Variants in DENND10 observed in about 807,000 individuals in gnomAD.
DENND10 encodes DENN domain-containing protein 10.
DENND10 carries 24 observed loss-of-function variants against 43.6 expected under a neutral mutation model. That is an observed-to-expected ratio of 0.55 (90% CI 0.40 to 0.77). The LOEUF (loss-of-function observed/expected upper bound fraction) is 0.77. Ranked by LOEUF, DENND10 falls within the 30% of genes least tolerant of loss-of-function variation. DENND10 has a pLI of 0.00. For missense variants in DENND10, 303 were observed against 429.9 expected, an observed-to-expected ratio of 0.70 and a Z score of 2.61; for synonymous variants, 125 against 157.6, an observed-to-expected ratio of 0.79 and a Z score of 1.55.
At chr10:119,135,173 AAAAAAAAAAAAAAAG>A in intron 8 of DENND10, 2 of 149,686 alleles carry the variant, frequency 1.3e-5, no homozygotes, top group African/African-American at 5.0e-5. Context: ...CAAAAAAAAA[AAAAAAAAAAAAAAAG>A]AAAAAGAAAA....
Position 119,116,665 on chromosome 10 carries a change from C to CT in DENND10, c.333-833dup, listed in dbSNP as rs71016543. 5.5e-3 allele frequency among the ~76,000 whole-genome samples: 727 copies of CT among 132,156 alleles called. 1 individual carries two copies. The highest frequency in any genetic ancestry group is 0.016 in the Middle Eastern group (4 of 252). 86.7% of individuals were successfully genotyped at this position (132,156 alleles called of 152,430 possible). A position where few individuals can be genotyped will look rare whatever the true frequency, so the allele number is the denominator to read the frequency against. ...AGCTTTTTCTTTTCTTTCTTTCTTT[C>CT]TTTTTTTTTTTTTTTTTTTTTGAGA... is the stretch of plus-strand genomic sequence containing the variant. On this transcript the variant is annotated intron_variant, in intron 3 of 8. Coordinates refer to ENST00000361432, the MANE Select transcript of DENND10 (RefSeq NM_207009.4).
intron 5 of DENND10, among the ~76,000 whole-genome samples, chr10:119,123,028 G>A (rs1845646700): frequency 6.6e-6 from 1 of 152,178 alleles, no homozygotes; most frequent in Admixed American, 6.5e-5. Flanking sequence ...AGCACTTTGG[G>A]AGGCCAAGGC....
rs562161041 is a variant in DENND10 at position 119,120,793 on chromosome 10, G to A, written c.593+341G>A. ...ACATAAATGACTCAGCATGGCTGTG[G>A]TCAATGAAATTTTATTTTCAAGGAC... On this transcript the variant is annotated intron_variant, in intron 5 of 8. Transcript: ENST00000361432. Among the ~76,000 whole-genome samples the A allele has an allele frequency of 4.6e-5, 7 of 152,266 alleles. No individual in the cohort carries two copies. The South Asian group carries it at 6.2e-4, about 14-fold the overall frequency.
chr10:119,114,898 T>C (rs1369560051), intron 3 of DENND10, among the ~76,000 whole-genome samples: 2 of 151,872 alleles, frequency 1.3e-5, no homozygotes, highest in Non-Finnish European at 2.9e-5. Context: ...GCCTCCCAAG[T>C]AGTGGGAATT....
intron 6 of DENND10, among the ~76,000 whole-genome samples, chr10:119,125,501 CTTTTTTTT>C (rs34630434): frequency 0.087 from 5,801 of 66,546 alleles, 350 homozygotes; most frequent in African/African-American, 0.26. Context: ...TTCTAGTTTT[CTTTTTTTT>C]TTTTTTTTTT....
chr10:119,117,917 A>G (rs531439943), intron 4 of DENND10, among the ~76,000 whole-genome samples: 1 of 152,130 alleles, frequency 6.6e-6, no homozygotes, highest in South Asian at 2.1e-4. Flanking sequence ...CAGTGAGCCG[A>G]GATTGTGCCA....
At position 119,129,610 on chromosome 10, in the gene DENND10, C is replaced by T; in HGVS notation, c.790C>T (p.Pro264Ser). The T allele has an allele frequency of 6.2e-7, 1 of 1,608,210 alleles. No homozygotes were observed. Among genetic ancestry groups the T allele is most frequent in the Non-Finnish European group, 8.5e-7 (1 of 1,174,686 alleles). ...NLAESEITIA[P>S]LAKEAMAMGK... Reference sequence around the variant, plus strand: ...GGCAGAGAGTGAGATTACCATTGCTCCCCTTGCAAAAGGTTTGTTCTCTGT... The same window carrying T: ...GGCAGAGAGTGAGATTACCATTGCTTCCCTTGCAAAAGGTTTGTTCTCTGT... The change falls in exon 7 of 9, where the codon CCC (proline) becomes TCC (serine). Residue 264 changes from proline to serine, a missense_variant. Coordinates refer to ENST00000361432, the MANE Select transcript of DENND10 (RefSeq NM_207009.4).
chr10:119,135,791 T>TAAAAAATAAAAAAAAAAAAA (rs1846305141), intron 8 of DENND10, among the ~76,000 whole-genome samples: 1 of 64,008 alleles, frequency 1.6e-5, no homozygotes, highest in Non-Finnish European at 2.8e-5. Context: ...ACTAAAATTG[T>TAAAAAATAAAAAAAAAAAAA]AAAAAAAAAA....
Position 119,124,248 on chromosome 10 carries a change from G to A in DENND10, c.694+679G>A, listed in dbSNP as rs142706869. On this transcript the variant is annotated intron_variant, in intron 6 of 8. Coordinates refer to ENST00000361432, the MANE Select transcript of DENND10 (RefSeq NM_207009.4). Reference sequence around the variant, plus strand: ...ATATAGGATTTACCTTTTTTTGGCCGGGCGCGGTGCCTCATGCCTATAATC... The same window carrying A: ...ATATAGGATTTACCTTTTTTTGGCCAGGCGCGGTGCCTCATGCCTATAATC... Among the ~76,000 whole-genome samples, 1,326 of 150,674 alleles carry A rather than the reference G, an allele frequency of 8.8e-3. 19 individuals are homozygous for A. The highest frequency in any genetic ancestry group is 0.031 in the African/African-American group (1,269 of 41,006).
At position 119,132,964 on chromosome 10, in the gene DENND10, T is replaced by A; in HGVS notation, c.897+355T>A. ...GGAACAAATTATAAAGGGGAGGTTG[T>A]TGCTGAGCATGGGGAACTAGATTGT... is the stretch of plus-strand genomic sequence containing the variant. On this transcript the variant is annotated intron_variant, in intron 8 of 8. Coordinates refer to ENST00000361432, the MANE Select transcript of DENND10 (RefSeq NM_207009.4). This position sits in a 1 kb window ranked among gnomAD's most constrained non-coding sequence, Gnocchi z 4.2. The A allele has an allele frequency of 4.0e-6, 1 of 249,748 alleles. No individual in the cohort carries two copies. Among genetic ancestry groups the A allele is most frequent in the East Asian group, 9.4e-5 (1 of 10,614 alleles). The allele number at this position is 249,748 out of a possible 1,614,324, so 15.5% of individuals were successfully genotyped here. A position where few individuals can be genotyped will look rare whatever the true frequency, so the allele number is the denominator to read the frequency against.
chr10:119,113,554 C>T (rs759405531), intron 3 of DENND10, among the ~76,000 whole-genome samples: 7 of 151,404 alleles, frequency 4.6e-5, no homozygotes, highest in African/African-American at 9.7e-5. Flanking sequence ...GTCATGTTAC[C>T]GTCAGGCTTT....
chr10:119,135,807 A>C (rs919761169), intron 8 of DENND10, among the ~76,000 whole-genome samples: 4 of 150,100 alleles, frequency 2.7e-5, no homozygotes, highest in Non-Finnish European at 5.9e-5. Context: ...AAAAAAAAAA[A>C]AAAAAAAAAC....
rs573353228 is a variant in DENND10 at position 119,127,689 on chromosome 10, T to C, written c.695-1826T>C. On this transcript the variant is annotated intron_variant, in intron 6 of 8. Transcript: ENST00000361432. ...TTTTAGTAGAGATGGGGTTTCGCCA[T>C]GTTGCCCAGGCAGGCCTCGAACTCC... 1.8e-4 allele frequency among the ~76,000 whole-genome samples: 27 copies of C among 152,144 alleles called. No homozygotes were observed. In the South Asian group the frequency reaches 5.2e-3, roughly 29 times the overall value.
At chr10:119,118,819 C>T (rs1454037638) in intron 4 of DENND10, among the ~76,000 whole-genome samples, 4 of 148,944 alleles carry the variant, frequency 2.7e-5, no homozygotes, top group Admixed American at 6.8e-5. Flanking sequence ...TACAGGTGCA[C>T]ACCACCATGC....
At chr10:119,107,837 T>G in intron 1 of DENND10, 131 bp from the exon 2 acceptor site, 1 of 773,942 alleles carries the variant, frequency 1.3e-6, no homozygotes, top group Non-Finnish European at 2.3e-6. Flanking sequence ...GAATTTGGGG[T>G]GTCAGGTATT....
rs1361010914 is a variant in DENND10, at chr10:119,117,579, A to G, written c.393A>G (p.Thr131=). Residue 131 remains threonine (T), a synonymous_variant, in exon 4 of 9, where the codon ACA becomes ACG. Transcript: ENST00000361432. ...TGGAGAGTTATATTGCAGTTCTCACAAAGGGGATATGCCAGAGTGAAGAAA... is the reference window on the plus strand; with the variant it reads ...TGGAGAGTTATATTGCAGTTCTCACGAAGGGGATATGCCAGAGTGAAGAAA... ...KMMESYIAVL[T]KGICQSEENG... is the part of the protein sequence containing the mutation. The G allele has an allele frequency of 3.1e-6, 5 of 1,614,000 alleles. No homozygotes were observed. In the Admixed American group the frequency reaches 8.3e-5, roughly 27 times the overall value.
chr10:119,130,489 G>A (rs1285608378), intron 7 of DENND10, among the ~76,000 whole-genome samples: 4 of 152,090 alleles, frequency 2.6e-5, no homozygotes, highest in African/African-American at 9.7e-5. Flanking sequence ...CTTGAGACAG[G>A]GTTTCACCAT....
rs1846141271 is a variant in DENND10, at chr10:119,132,754, A to G, written c.897+145A>G. The G allele has an allele frequency of 4.3e-6, 3 of 692,590 alleles. No homozygotes were observed. The Admixed American group carries it at 6.9e-5, about 16-fold the overall frequency. 42.9% of individuals were successfully genotyped at this position (692,590 alleles called of 1,614,324 possible). ...TTAGAGAGGGTTTACAGACGGCCAC[A>G]GTGATGATGGACAAGCAGGTGCAGG... On this transcript the variant is annotated intron_variant, in intron 8 of 8. Coordinates refer to ENST00000361432, the MANE Select transcript of DENND10 (RefSeq NM_207009.4). This position sits in a 1 kb window ranked among gnomAD's most constrained non-coding sequence, Gnocchi z 4.2.
At chr10:119,121,106 T>G (rs1035948938) in intron 5 of DENND10, among the ~76,000 whole-genome samples, 5 of 152,006 alleles carry the variant, frequency 3.3e-5, no homozygotes, top group African/African-American at 1.2e-4. Context: ...TGAGCCACTG[T>G]GCCCGGCCAA....
Sources: allele counts gnomAD v4.1 joint callset (sites outside exome capture counted in the v4.1 genomes callset), GRCh38; gene constraint gnomAD v4.1.1; non-coding constraint Gnocchi (gnomAD v3.1); transcripts MANE v1.5; gene names NCBI Gene and HGNC (gene_info 2026-07-23, HGNC 2026-07-21).